Variants in MYLK observed in about 807,000 individuals in gnomAD.
The protein encoded by MYLK is myosin light chain kinase.
Under a neutral mutation model 203.4 loss-of-function variants are expected in MYLK, and 106 were observed. The observed-to-expected ratio is 0.52, with a 90% CI of 0.45 to 0.61. The LOEUF is 0.61. Among genes scored for constraint, MYLK ranks in the 20% least tolerant of loss-of-function variants. The pLI is 0.00. For synonymous variants in MYLK, 867 were observed against 959.5 expected (o/e 0.90, Z 1.78); for missense variants, 2,072 against 2,442.3 (o/e 0.85, Z 3.20).
At chr3:123,665,363 A>G (rs2059701337) in intron 22 of MYLK, among the ~76,000 whole-genome samples, 1 of 152,248 alleles carries the variant, frequency 6.6e-6, no homozygotes, top group African/African-American at 2.4e-5. Flanking sequence ...TTCAGACAAC[A>G]GTAGTCCAGA....
At chr3:123,683,998 C>G (rs922919913) in intron 19 of MYLK, among the ~76,000 whole-genome samples, 1 of 152,182 alleles carries the variant, frequency 6.6e-6, no homozygotes, top group African/African-American at 2.4e-5. Flanking sequence ...CAGGAGGCTG[C>G]CTGTAACCCA....
intron 24 of MYLK, 58 bp from the exon 25 acceptor site, chr3:123,649,252 C>T: frequency 6.2e-7 from 1 of 1,608,880 alleles, no homozygotes; most frequent in East Asian, 2.2e-5. Context: ...TGAAGGCCCA[C>T]TGAGAGCAAG....
chr3:123,758,197 C>G (rs1692475996), intron 4 of MYLK, among the ~76,000 whole-genome samples: 1 of 152,176 alleles, frequency 6.6e-6, no homozygotes, highest in South Asian at 2.1e-4. Context: ...TCAGAGCCTG[C>G]GTCTGTGTCA....
At chr3:123,863,662 T>C (rs909726533) in intron 2 of MYLK, among the ~76,000 whole-genome samples, 1 of 152,160 alleles carries the variant, frequency 6.6e-6, no homozygotes, top group South Asian at 2.1e-4. Flanking sequence ...GATACTGCCA[T>C]AGCAGTATCC....
chr3:123,701,093 G>T, intron 17 of MYLK, 88 bp from the exon 18 acceptor site: 4 of 1,530,856 alleles, frequency 2.6e-6, no homozygotes, highest in East Asian at 2.4e-5. Context: ...AATCCCTGAG[G>T]GTGGGAGGGT....
chr3:123,792,564 C>T (rs1406410985), intron 4 of MYLK, among the ~76,000 whole-genome samples: 1 of 152,146 alleles, frequency 6.6e-6, no homozygotes, highest in Non-Finnish European at 1.5e-5. Flanking sequence ...TGTCTGGCTT[C>T]TTTCGCTTAG....
At position 123,664,180 on chromosome 3, in the gene MYLK, G is replaced by A; in HGVS notation, c.3910C>T (p.His1304Tyr). 1 of 1,614,176 alleles carries A rather than the reference G, an allele frequency of 6.2e-7. No individual in the cohort carries two copies. Among genetic ancestry groups the A allele is most frequent in the Non-Finnish European group, 8.5e-7 (1 of 1,180,006 alleles). Residue 1304 changes from histidine to tyrosine, a missense_variant, in exon 23 of 34, where the codon CAC becomes TAC. His to Tyr is a moderately conservative substitution (Grantham distance 83). Transcript: ENST00000360304. Reference protein sequence around the residue: ...KLTILAARQEHCGCYTLLVEN... With the variant: ...KLTILAARQEYCGCYTLLVEN... ...ACCAGCAGTGTGTAGCAGCCGCAGT[G>A]CTCCTGGCGCGCGGCCAGGATGGTG...
At chr3:123,750,087 G>A (rs1306885433) in intron 5 of MYLK, among the ~76,000 whole-genome samples, 1 of 152,210 alleles carries the variant, frequency 6.6e-6, no homozygotes, top group East Asian at 1.9e-4. Context: ...TAGGTCTGTG[G>A]GGTGGCCCCA....
At position 123,682,260 on chromosome 3, in the gene MYLK, G is replaced by A. The variant is rs779501339; in HGVS notation, c.3616C>T (p.Pro1206Ser). The A allele has an allele frequency of 3.1e-6, 5 of 1,603,622 alleles. No individual in the cohort carries two copies. The highest frequency in any genetic ancestry group is 1.1e-5 in the South Asian group (1 of 88,244). ...TKAPEMKSRRPKSSLPPVLGT... is the reference protein window; with the variant it reads ...TKAPEMKSRRSKSSLPPVLGT... ...AGCACGGGAGGAAGAGAGCTCTTGG[G>A]CCTCCGGGATTTCATCTCTGGGGCC... Residue 1206 changes from proline (P) to serine (S), a missense_variant, in exon 20 of 34, where the codon CCC becomes TCC. Physicochemically the swap from Pro to Ser is moderately conservative, Grantham distance 74 (BLOSUM62 -1). This residue lies in a region of MYLK where 865 missense variants were observed against 1,016.0 expected (regional missense o/e 0.85). Transcript: ENST00000360304.
At position 123,700,126 on chromosome 3, in the gene MYLK, C is replaced by T. The variant is rs889548916; in HGVS notation, c.3342G>A (p.Lys1114=). ...LQDVHVAEGK[K]LLLQCQVSSD... ...AAGACACCTGGCACTGGAGCAGCAG[C>T]TTCTTGCCCTCTGCCACATGAACAT... The change falls in exon 18 of 34, where the codon AAG becomes AAA. Residue 1114 remains lysine (K), a synonymous_variant. Transcript: ENST00000360304. 1 of 1,613,798 alleles carries T rather than the reference C, an allele frequency of 6.2e-7. No homozygotes were observed. The highest frequency in any genetic ancestry group is 8.5e-7 in the Non-Finnish European group (1 of 1,179,958).
chr3:123,862,534 CAG>C (rs1461126227), intron 2 of MYLK, among the ~76,000 whole-genome samples: 22 of 152,300 alleles, frequency 1.4e-4, no homozygotes, highest in Admixed American at 1.2e-3. Context: ...GTCTGTCTAA[CAG>C]AGAGTAGGCA....
At chr3:123,855,500 G>A (rs1389387326) in intron 2 of MYLK, among the ~76,000 whole-genome samples, 1 of 151,566 alleles carries the variant, frequency 6.6e-6, no homozygotes, top group Non-Finnish European at 1.5e-5. Context: ...TGTCACCCAG[G>A]CTGGAGCATG....
chr3:123,719,529 G>A (rs1182057531), intron 13 of MYLK, among the ~76,000 whole-genome samples: 1 of 152,192 alleles, frequency 6.6e-6, no homozygotes, highest in South Asian at 2.1e-4. Context: ...GAGGGTGTGT[G>A]CTATCCTATG....
rs144701244 is a variant in MYLK at position 123,708,844 on chromosome 3, T to C, written c.1994A>G (p.Glu665Gly). ...CTGTTCAAAGTGGAAGTCCTCTGAC[T>C]CTTGGATCTCATTCCCATTGTGCAG... ...IWLHNGNEIQ[E>G]SEDFHFEQRG... Residue 665 changes from glutamate (E) to glycine (G), a missense_variant, in exon 15 of 34, where the codon GAG (glutamate) becomes GGG (glycine). Glu to Gly is a moderately conservative substitution (Grantham distance 98). Transcript: ENST00000360304. 6 of 1,614,020 alleles carry C rather than the reference T, an allele frequency of 3.7e-6. No homozygotes were observed. Among genetic ancestry groups the C allele is most frequent in the African/African-American group, 1.3e-5 (1 of 74,908 alleles).
intron 2 of MYLK, among the ~76,000 whole-genome samples, chr3:123,851,615 A>G (rs1235104138): frequency 6.6e-6 from 1 of 152,204 alleles, no homozygotes; most frequent in Admixed American, 6.5e-5. Flanking sequence ...ACTTTGCTAA[A>G]GTTGCTTATC....
At chr3:123,826,090 C>T (rs2066109922) in intron 3 of MYLK, among the ~76,000 whole-genome samples, 1 of 152,238 alleles carries the variant, frequency 6.6e-6, no homozygotes. Flanking sequence ...CTGAGAAACC[C>T]ACAGGACATT....
chr3:123,675,939 C>T (rs962045254), intron 20 of MYLK, among the ~76,000 whole-genome samples: 2 of 152,240 alleles, frequency 1.3e-5, no homozygotes, highest in African/African-American at 4.8e-5. Flanking sequence ...GAATTAACAT[C>T]TCTGGGCAAA....
chr3:123,765,660 A>G (rs2108954701), intron 4 of MYLK, among the ~76,000 whole-genome samples: 1 of 152,374 alleles, frequency 6.6e-6, no homozygotes, highest in South Asian at 2.1e-4. Context: ...TAAATGGACA[A>G]GCAAAATATG....
At chr3:123,665,575 C>T (rs2059708622) in intron 22 of MYLK, among the ~76,000 whole-genome samples, 1 of 152,172 alleles carries the variant, frequency 6.6e-6, no homozygotes, top group South Asian at 2.1e-4. Flanking sequence ...CCCATCATTC[C>T]AGGGTCTCTG....
Sources: allele counts gnomAD v4.1 joint callset (sites outside exome capture counted in the v4.1 genomes callset), GRCh38; gene constraint gnomAD v4.1.1; regional missense constraint gnomAD v4.1.1; transcripts MANE v1.5; gene names NCBI Gene and HGNC (gene_info 2026-07-23, HGNC 2026-07-21).